The following CACNA1A variants were observed in gnomAD, a reference collection of about 807,000 sequenced individuals.
CACNA1A encodes calcium voltage-gated channel subunit alpha1 A.
In CACNA1A, 57 loss-of-function variants were observed where a neutral mutation model predicts 262.4. That is an observed-to-expected ratio of 0.22 (90% confidence interval 0.18 to 0.27). The LOEUF (loss-of-function observed/expected upper bound fraction) is 0.27. Ranked by LOEUF, CACNA1A falls within the 10% of genes least tolerant of loss-of-function variation. The pLI is 1.00. For missense variants in CACNA1A, 2,526 were observed against 3,562.8 expected, an observed-to-expected ratio of 0.71 and a Z score of 7.41; for synonymous variants, 1,431 against 1,419.3, an observed-to-expected ratio of 1.01 and a Z score of -0.18.
rs2057416123 is a variant in CACNA1A at position 13,286,969 on chromosome 19, G to A, written c.3090-3C>T. 4 of 1,578,828 alleles carry A rather than the reference G, an allele frequency of 2.5e-6. No individual in the cohort carries two copies. The African/African-American group carries it at 5.4e-5, about 21-fold the overall frequency. ...GGACCCCGGAGCCCTGGTTCTCTCT[G>A]AGGAAGGCAAGTGAATGAAAAAGAA... On this transcript the variant is annotated splice_polypyrimidine_tract_variant and splice_region_variant and intron_variant, in intron 19 of 46. Transcript: ENST00000360228.
rs949640737 is a variant in CACNA1A at position 13,299,449 on chromosome 19, C to G, written c.2280-96G>C. The G allele has an allele frequency of 3.1e-6, 3 of 980,992 alleles. No homozygotes were observed. In the East Asian group the frequency reaches 7.2e-5, roughly 23 times the overall value. The allele number at this position is 980,992 out of a possible 1,614,324, so 60.8% of individuals were successfully genotyped here. On this transcript the variant is annotated intron_variant, in intron 18 of 46. Transcript: ENST00000360228. ...CCAACCCACATCTCAGCCTCCCACTCCTGCTCTCCACCCTCTACTCCCCAC... is the reference window on the plus strand; with the variant it reads ...CCAACCCACATCTCAGCCTCCCACTGCTGCTCTCCACCCTCTACTCCCCAC...
At chr19:13,439,721 T>C (rs1265255632) in intron 3 of CACNA1A, among the ~76,000 whole-genome samples, 1 of 151,654 alleles carries the variant, frequency 6.6e-6, no homozygotes. Context: ...CAGTCTGGGT[T>C]CTTGATTGCA....
intron 15 of CACNA1A, chr19:13,307,523 C>A (rs181549741): frequency 2.4e-6 from 1 of 423,302 alleles, no homozygotes. Flanking sequence ...TGTGAGCCAC[C>A]GTACCTGGCC....
rs1003173336 is a variant in CACNA1A at position 13,480,700 on chromosome 19, TACAC to T, written c.293+25228_293+25231del. On this transcript the variant is annotated intron_variant, in intron 1 of 46. Transcript: ENST00000360228. ...TTTCTAAAAAATAGAGAAAAAAAGT[TACAC>T]ACACATTTTTGACTGCACAGGAGGT... Among the ~76,000 whole-genome samples the T allele has an allele frequency of 2.6e-3, 395 of 152,300 alleles. 2 individuals are homozygous for T. Among genetic ancestry groups the T allele is most frequent in the African/African-American group, 9.2e-3 (382 of 41,562 alleles).
At chr19:13,353,299 GTTTTTTTT>G (rs57554463) in intron 6 of CACNA1A, among the ~76,000 whole-genome samples, 11 of 135,078 alleles carry the variant, frequency 8.1e-5, no homozygotes, top group Admixed American at 2.2e-4. Context: ...TTGTATTTTT[GTTTTTTTT>G]TTTTTGTAGA....
At chr19:13,330,528 G>T (rs2058449546) in intron 9 of CACNA1A, among the ~76,000 whole-genome samples, 195 bp from the exon 10 acceptor site, 1 of 152,172 alleles carries the variant, frequency 6.6e-6, no homozygotes, top group Non-Finnish European at 1.5e-5. Context: ...GTAAAGACAA[G>T]AATCAAGTCG....
intron 15 of CACNA1A, 83 bp from the exon 16 acceptor site, chr19:13,303,967 G>C: frequency 1.0e-6 from 1 of 973,566 alleles, no homozygotes. Flanking sequence ...GCCGGAATCC[G>C]CCCACCCCAT....
intron 7 of CACNA1A, among the ~76,000 whole-genome samples, chr19:13,335,380 C>T (rs1320745658): frequency 1.3e-5 from 2 of 152,130 alleles, no homozygotes; most frequent in Non-Finnish European, 2.9e-5. Flanking sequence ...TCTGGGGTTG[C>T]TGATGGTGCC....
intron 34 of CACNA1A, among the ~76,000 whole-genome samples, chr19:13,232,924 C>T (rs546615270): frequency 1.1e-3 from 160 of 151,484 alleles, no homozygotes; most frequent in Non-Finnish European, 1.7e-3. Flanking sequence ...TGACGGGCAC[C>T]TATAATCTCA....
At chr19:13,359,085 G>T (rs998418259) in intron 6 of CACNA1A, among the ~76,000 whole-genome samples, 1 of 152,184 alleles carries the variant, frequency 6.6e-6, no homozygotes, top group African/African-American at 2.4e-5. Context: ...CAAGTTCATG[G>T]AATCTGGCCA....
intron 1 of CACNA1A, among the ~76,000 whole-genome samples, chr19:13,463,083 G>C (rs1599310874): frequency 6.6e-6 from 1 of 151,814 alleles, no homozygotes; most frequent in Non-Finnish European, 1.5e-5. Flanking sequence ...TTTTAAGCTG[G>C]TGGTCCCCAA....
At chr19:13,451,275 G>T (rs1306358118) in intron 3 of CACNA1A, 1 of 152,336 alleles carries the variant, frequency 6.6e-6, no homozygotes, top group Non-Finnish European at 1.5e-5. Flanking sequence ...AGCCCGGCCA[G>T]CACAGTGTGG....
intron 1 of CACNA1A, among the ~76,000 whole-genome samples, chr19:13,478,276 A>G (rs1360872324): frequency 6.6e-6 from 1 of 152,100 alleles, no homozygotes; most frequent in Non-Finnish European, 1.5e-5. Context: ...GAAAAGCTCT[A>G]AGGATGTTCC....
In CACNA1A at chr19:13,208,052, C is replaced by T. The variant is rs751364653; in HGVS notation, c.6782G>A (p.Gly2261Asp). Residue 2261 changes from glycine to aspartate, a missense_variant and splice_region_variant, in exon 47 of 47, where the codon GGC (glycine) becomes GAC (aspartate). By Grantham distance (94) the Gly-to-Asp change is moderately conservative. This residue lies in a region of CACNA1A where 929 missense variants were observed against 868.1 expected (regional missense o/e 1.07). Transcript: ENST00000360228. ...EGREHMAHRQGSSSVSGSPAP... is the reference protein window; with the variant it reads ...EGREHMAHRQDSSSVSGSPAP... ...TGGGCTTCCACTTACGGAACTACTG[C>T]CCTACACGAAAATTGAAACAAAGGA... 198 of 1,280,368 alleles carry T rather than the reference C, an allele frequency of 1.5e-4. No individual in the cohort carries two copies. The highest frequency in any genetic ancestry group is 1.8e-4 in the Non-Finnish European group (188 of 1,017,430). The allele number at this position is 1,280,368 out of a possible 1,614,324, so 79.3% of individuals were successfully genotyped here.
At chr19:13,290,630 T>G (rs1228780151) in intron 19 of CACNA1A, among the ~76,000 whole-genome samples, 1 of 151,950 alleles carries the variant, frequency 6.6e-6, no homozygotes, top group Non-Finnish European at 1.5e-5. Flanking sequence ...CAGGCTGGTA[T>G]TGAACTCCTG....
intron 3 of CACNA1A, among the ~76,000 whole-genome samples, chr19:13,391,028 A>AG: frequency 6.6e-6 from 1 of 152,248 alleles, no homozygotes; most frequent in South Asian, 2.1e-4. Context: ...CTGGGATTAC[A>AG]GGCACGTGAC....
chr19:13,221,899 T>C (rs2055245895), intron 38 of CACNA1A, among the ~76,000 whole-genome samples: 1 of 152,054 alleles, frequency 6.6e-6, no homozygotes, highest in Non-Finnish European at 1.5e-5. Context: ...AATTTCTCGG[T>C]ATTTTTTATT....
intron 24 of CACNA1A, among the ~76,000 whole-genome samples, chr19:13,263,855 G>A (rs1390837295): frequency 1.3e-5 from 2 of 152,076 alleles, no homozygotes; most frequent in Admixed American, 1.3e-4. Context: ...GTATCAGTGG[G>A]CTCTTAAAAA....
chr19:13,382,927 A>G (rs1256414215), intron 3 of CACNA1A, among the ~76,000 whole-genome samples: 1 of 152,202 alleles, frequency 6.6e-6, no homozygotes, highest in Non-Finnish European at 1.5e-5. Context: ...TTAATCCCAC[A>G]TGGAGGTTCC....
Sources: allele counts gnomAD v4.1 joint callset (sites outside exome capture counted in the v4.1 genomes callset), GRCh38; gene constraint gnomAD v4.1.1; regional missense constraint gnomAD v4.1.1; transcripts MANE v1.5; gene names NCBI Gene and HGNC (gene_info 2026-07-23, HGNC 2026-07-21).